The following ADAMTS3 variants were observed in gnomAD, a reference collection of about 807,000 sequenced individuals.
ADAMTS3 encodes the protein ADAM metallopeptidase with thrombospondin type 1 motif 3.
Under a neutral mutation model 129.0 loss-of-function variants are expected in ADAMTS3, and 73 were observed. The observed-to-expected ratio is 0.57, with a 90% CI of 0.47 to 0.69. The LOEUF (loss-of-function observed/expected upper bound fraction) is 0.69. Ranked by LOEUF, ADAMTS3 falls within the 30% of genes least tolerant of loss-of-function variation. The pLI, the probability that ADAMTS3 is intolerant of heterozygous loss-of-function variation, is 0.00. For synonymous variants in ADAMTS3, 477 were observed against 510.8 expected (o/e 0.93, Z 0.89); for missense variants, 1,457 against 1,514.5 (o/e 0.96, Z 0.63).
intron 3 of ADAMTS3, among the ~76,000 whole-genome samples, chr4:72,472,546 A>C (rs2109995282): frequency 6.6e-6 from 1 of 152,208 alleles, no homozygotes; most frequent in African/African-American, 2.4e-5. Flanking sequence ...CATGTTATGA[A>C]TTGCTTTTAA....
At chr4:72,391,758 C>A (rs1721601637) in intron 4 of ADAMTS3, among the ~76,000 whole-genome samples, 1 of 151,356 alleles carries the variant, frequency 6.6e-6, no homozygotes, top group Admixed American at 6.6e-5. Flanking sequence ...TAAAAAAAAA[C>A]AAAACCCACA....
chr4:72,380,077 A>C (rs1721244466), intron 4 of ADAMTS3, among the ~76,000 whole-genome samples: 1 of 152,130 alleles, frequency 6.6e-6, no homozygotes, highest in Admixed American at 6.6e-5. Flanking sequence ...ACATGTCTCA[A>C]AGGGTATTAT....
At chr4:72,293,963 G>A (rs1718742514) in intron 19 of ADAMTS3, among the ~76,000 whole-genome samples, 1 of 152,046 alleles carries the variant, frequency 6.6e-6, no homozygotes, top group Admixed American at 6.6e-5. Flanking sequence ...GAAAGGTTCG[G>A]CAAGTGCAAC....
chr4:72,331,763 C>T lies in ADAMTS3; in HGVS notation c.861+7731G>A, dbSNP rs149520666. ...CTCCCCTTTTTCTAGCAGGAAAATG[C>T]CAGTTGAGTTGAAAAAGTCCAACTC... On this transcript the variant is annotated intron_variant, in intron 5 of 21. Transcript: ENST00000286657. Among the ~76,000 whole-genome samples the T allele has an allele frequency of 6.3e-3, 957 of 152,188 alleles. 7 individuals are homozygous for T. Among genetic ancestry groups the T allele is most frequent in the African/African-American group, 0.022 (911 of 41,508 alleles).
chr4:72,502,107 A>G (rs1720041786), intron 3 of ADAMTS3, among the ~76,000 whole-genome samples: 1 of 152,100 alleles, frequency 6.6e-6, no homozygotes, highest in African/African-American at 2.4e-5. Flanking sequence ...AGGTTTTGGT[A>G]TCAGGGTAAT....
At chr4:72,384,024 T>C (rs1721371482) in intron 4 of ADAMTS3, among the ~76,000 whole-genome samples, 1 of 151,636 alleles carries the variant, frequency 6.6e-6, no homozygotes. Flanking sequence ...AATATATATA[T>C]ATTTTAAAAA....
At chr4:72,355,221 C>A (rs1232480072) in intron 4 of ADAMTS3, among the ~76,000 whole-genome samples, 1 of 150,184 alleles carries the variant, frequency 6.7e-6, no homozygotes, top group Non-Finnish European at 1.5e-5. Context: ...AAAAAAAAAT[C>A]TTTTAAGGAA....
intron 4 of ADAMTS3, among the ~76,000 whole-genome samples, chr4:72,400,025 A>G (rs1475807775): frequency 1.1e-4 from 1 of 8,710 alleles, no homozygotes; most frequent in Non-Finnish European, 2.6e-4. Context: ...GTGTGTATAT[A>G]CGTGTGTATA....
chr4:72,440,900 T>C (rs1296383834), intron 3 of ADAMTS3, among the ~76,000 whole-genome samples: 1 of 151,790 alleles, frequency 6.6e-6, no homozygotes, highest in Non-Finnish European at 1.5e-5. Flanking sequence ...TTTGTGTATG[T>C]CATTTTTTAT....
intron 3 of ADAMTS3, among the ~76,000 whole-genome samples, chr4:72,449,067 C>T (rs1191291353): frequency 6.6e-6 from 1 of 151,634 alleles, no homozygotes; most frequent in Non-Finnish European, 1.5e-5. Flanking sequence ...TCATACTCTC[C>T]TTATTTTCCC....
At chr4:72,530,622 ATATT>A (rs1338988855) in intron 3 of ADAMTS3, among the ~76,000 whole-genome samples, 1 of 85,700 alleles carries the variant, frequency 1.2e-5, no homozygotes, top group Non-Finnish European at 2.0e-5. Flanking sequence ...TATATAATAT[ATATT>A]ATTATATAAT....
At chr4:72,332,224 A>AG (rs111415281) in intron 5 of ADAMTS3, among the ~76,000 whole-genome samples, 5,648 of 152,300 alleles carry the variant, frequency 0.037, 346 homozygotes, top group African/African-American at 0.13. Context: ...CAATGTTTTC[A>AG]AAAAAGTTAA....
chr4:72,433,787 A>T (rs942170345), intron 3 of ADAMTS3, among the ~76,000 whole-genome samples: 2 of 151,974 alleles, frequency 1.3e-5, no homozygotes, highest in African/African-American at 4.8e-5. Flanking sequence ...AATTATCAAA[A>T]GAAGAGCAGA....
At chr4:72,557,569 T>G (rs1435844028) in intron 2 of ADAMTS3, among the ~76,000 whole-genome samples, 1 of 151,842 alleles carries the variant, frequency 6.6e-6, no homozygotes, top group Non-Finnish European at 1.5e-5. Flanking sequence ...ATAAAGGTCA[T>G]GGCTTTTTTA....
intron 11 of ADAMTS3, among the ~76,000 whole-genome samples, chr4:72,314,060 T>G (rs918686672): frequency 6.6e-6 from 1 of 152,000 alleles, no homozygotes; most frequent in African/African-American, 2.4e-5. Flanking sequence ...CTCAGACAAG[T>G]TTTTAAATGA....
chr4:72,556,353 T>A (rs1721766562), intron 2 of ADAMTS3, among the ~76,000 whole-genome samples: 1 of 151,844 alleles, frequency 6.6e-6, no homozygotes, highest in Non-Finnish European at 1.5e-5. Context: ...TGTAGCAGAA[T>A]GAGACACAAA....
intron 16 of ADAMTS3, among the ~76,000 whole-genome samples, chr4:72,304,477 T>C (rs1719033770): frequency 6.6e-6 from 1 of 152,152 alleles, no homozygotes; most frequent in Admixed American, 6.6e-5. Context: ...GGATAGCATA[T>C]AATGTAACGG....
chr4:72,371,661 A>C (rs998355003), intron 4 of ADAMTS3, among the ~76,000 whole-genome samples: 2 of 152,030 alleles, frequency 1.3e-5, no homozygotes, highest in Non-Finnish European at 2.9e-5. Flanking sequence ...CAGAACTAAA[A>C]TTAAACTGAG....
intron 17 of ADAMTS3, among the ~76,000 whole-genome samples, chr4:72,299,010 A>G (rs986269199): frequency 8.6e-5 from 13 of 150,440 alleles, no homozygotes; most frequent in African/African-American, 3.2e-4. Flanking sequence ...AGAGAAAACC[A>G]GTCACTTTTA....
Sources: allele counts gnomAD v4.1 joint callset (sites outside exome capture counted in the v4.1 genomes callset), GRCh38; gene constraint gnomAD v4.1.1; transcripts MANE v1.5; gene names NCBI Gene and HGNC (gene_info 2026-07-23, HGNC 2026-07-21).